Variants in RGPD3 observed in about 807,000 individuals in gnomAD.
RGPD3 encodes the protein ranBP2-like and GRIP domain-containing protein 3.
RGPD3 carries 62 observed loss-of-function variants against 154.5 expected under a neutral mutation model. That is an observed-to-expected ratio of 0.40 (90% CI 0.33 to 0.50). The LOEUF is 0.50. Among genes scored for constraint, RGPD3 ranks in the 20% least tolerant of loss-of-function variants. The probability of loss-of-function intolerance (pLI) is 0.59; values close to 1 mark genes in which losing one functional copy is unlikely to be tolerated. For synonymous variants in RGPD3, 308 were observed against 607.0 expected (o/e 0.51, Z 7.24); for missense variants, 919 against 1,716.8 (o/e 0.54, Z 8.21).
At position 106,415,919 on chromosome 2, in the gene RGPD3, A is replaced by G. The variant is rs577151300; in HGVS notation, c.4995T>C (p.Ser1665=). The G allele has an allele frequency of 3.7e-5, 59 of 1,611,872 alleles. No individual in the cohort carries two copies. In the African/African-American group the frequency reaches 5.5e-4, roughly 15 times the overall value. The part of the protein sequence containing the change: ...LVQKLSSTTK[S]ADHLNGLLRE... ...GAAGCAGGCCGTTTAAGTGATCTGC[A>G]CTTTTTGTGGTGGAACTGAGCTTCT... The change falls in exon 21 of 23, where the codon AGT becomes AGC. Residue 1665 remains serine (S), a synonymous_variant. Coordinates refer to ENST00000409886, the MANE Select transcript of RGPD3 (RefSeq NM_001144013.2).
Position 106,466,181 on chromosome 2 carries a change from C to T in RGPD3, c.72+2036G>A, listed in dbSNP as rs187694513. 5.0e-3 allele frequency among the ~76,000 whole-genome samples: 755 copies of T among 152,146 alleles called. 7 individuals carry two copies. Among genetic ancestry groups the T allele is most frequent in the African/African-American group, 0.017 (685 of 41,482 alleles). ...TCGGGAACAAGCGTCGGGAACAAGC[C>T]GGGAGAAAGAGGAAGCGCCGGCGCC... On this transcript the variant is annotated intron_variant, in intron 1 of 22. Coordinates refer to ENST00000409886, the MANE Select transcript of RGPD3 (RefSeq NM_001144013.2).
At chr2:106,422,944 C>T in intron 20 of RGPD3, 99 bp downstream of exon 20, 8 of 1,599,330 alleles carry the variant, frequency 5.0e-6, no homozygotes, top group East Asian at 2.2e-5. Context: ...CACAAAGCAT[C>T]GTTCATATCC....
chr2:106,420,111 A>C (rs1676933295), intron 20 of RGPD3, among the ~76,000 whole-genome samples: 1 of 149,622 alleles, frequency 6.7e-6, no homozygotes, highest in Non-Finnish European at 1.5e-5. Flanking sequence ...ATTAGTATAC[A>C]TATGAAACTA....
At chr2:106,465,009 G>C (rs1467697482) in intron 1 of RGPD3, among the ~76,000 whole-genome samples, 3 of 151,260 alleles carry the variant, frequency 2.0e-5, no homozygotes, top group Non-Finnish European at 4.4e-5. Context: ...GCACATGTGA[G>C]GGAGTAGAAA....
At chr2:106,412,352 C>A in intron 22 of RGPD3, among the ~76,000 whole-genome samples, 1 of 116,544 alleles carries the variant, frequency 8.6e-6, no homozygotes, top group East Asian at 2.9e-4. Context: ...CTCGCTCTGC[C>A]GTCAGGCTGG....
At chr2:106,418,611 G>C (rs1411763950) in intron 20 of RGPD3, among the ~76,000 whole-genome samples, 2 of 151,602 alleles carry the variant, frequency 1.3e-5, no homozygotes, top group East Asian at 4.0e-4. Context: ...CTGTCACACA[G>C]GTTGGAGTGC....
intron 20 of RGPD3, among the ~76,000 whole-genome samples, chr2:106,421,207 A>G (rs987861832): frequency 6.6e-6 from 1 of 151,994 alleles, no homozygotes; most frequent in Non-Finnish European, 1.5e-5. Context: ...TAAAGTCTTC[A>G]TTTCTAAGGT....
upstream of RGPD3, among the ~76,000 whole-genome samples, chr2:106,469,875 C>A (rs368507721): frequency 2.8e-3 from 419 of 151,986 alleles, 5 homozygotes; most frequent in African/African-American, 9.4e-3. Context: ...ACCTATTTAC[C>A]ACACAGATCC....
At chr2:106,434,199 G>A (rs1435300393) in intron 15 of RGPD3, 29 bp downstream of exon 15, 1 of 1,587,480 alleles carries the variant, frequency 6.3e-7, no homozygotes, top group East Asian at 2.3e-5. Context: ...TTATCAGTAA[G>A]AACGTACATA....
chr2:106,451,108 G>A (rs1450008390), intron 6 of RGPD3, among the ~76,000 whole-genome samples: 247 of 137,816 alleles, frequency 1.8e-3, no homozygotes, highest in African/African-American at 6.5e-3. Flanking sequence ...AAACAAAAAA[G>A]AAAGAAAGAA....
intron 7 of RGPD3, among the ~76,000 whole-genome samples, chr2:106,442,467 A>C (rs1194300233): frequency 7.7e-6 from 1 of 129,508 alleles, no homozygotes; most frequent in Non-Finnish European, 1.6e-5. Context: ...ACAACCAGGA[A>C]ATTAAAGAGA....
chr2:106,405,375 CTTTTTTTTTT>C (rs375961686), intron 22 of RGPD3, 146 bp from the exon 23 acceptor site: 1 of 368,838 alleles, frequency 2.7e-6, no homozygotes, highest in African/African-American at 2.7e-5. Context: ...GGGGGGGGTT[CTTTTTTTTTT>C]TTTTTTTTGA....
In RGPD3 at chr2:106,405,035, G is replaced by A. The variant is rs1676463953; in HGVS notation, c.*184C>T. 1.4e-6 allele frequency: 1 copy of A among 709,450 alleles called. No individual in the cohort carries two copies. Among genetic ancestry groups the A allele is most frequent in the South Asian group, 1.9e-5 (1 of 51,520 alleles). The allele number at this position is 709,450 out of a possible 1,614,324, so 43.9% of individuals were successfully genotyped here. A position where few individuals can be genotyped will look rare whatever the true frequency, so the allele number is the denominator to read the frequency against. On this transcript the variant is annotated 3_prime_UTR_variant, in exon 23 of 23. Coordinates refer to ENST00000409886, the MANE Select transcript of RGPD3 (RefSeq NM_001144013.2). ...ACTTTTAAAATACATCTGTCATATAGATGTACAAATATATGTAAATGCAAA... is the reference window on the plus strand; with the variant it reads ...ACTTTTAAAATACATCTGTCATATAAATGTACAAATATATGTAAATGCAAA...
chr2:106,470,384 C>T (rs1245782067), upstream of RGPD3, among the ~76,000 whole-genome samples: 1 of 152,236 alleles, frequency 6.6e-6, no homozygotes, highest in Non-Finnish European at 1.5e-5. Flanking sequence ...CTACTCAACC[C>T]CAAGGTCCAA....
intron 7 of RGPD3, among the ~76,000 whole-genome samples, chr2:106,444,520 A>G (rs1366852121): frequency 3.5e-5 from 3 of 86,956 alleles, no homozygotes. Context: ...AAACTAACTT[A>G]TTATGATTAA....
At position 106,403,607 on chromosome 2, in the gene RGPD3, A is replaced by G. The variant is rs1676424777; in HGVS notation, c.*1612T>C. Among the ~76,000 whole-genome samples the G allele has an allele frequency of 6.6e-6, 1 of 152,288 alleles. No individual in the cohort carries two copies. The highest frequency in any genetic ancestry group is 2.4e-5 in the African/African-American group (1 of 41,482). On this transcript the variant is annotated 3_prime_UTR_variant, in exon 23 of 23. Coordinates refer to ENST00000409886, the MANE Select transcript of RGPD3 (RefSeq NM_001144013.2). ...GGTCTCAAGTCAAAGAGAAAGTGAA[A>G]TATATTTAAATATGATTAGTTACAT...
chr2:106,469,730 C>A (rs2104535296), upstream of RGPD3, among the ~76,000 whole-genome samples: 1 of 152,322 alleles, frequency 6.6e-6, no homozygotes, highest in South Asian at 2.1e-4. Flanking sequence ...ATTTCCACCT[C>A]TCAAGGCCTC....
intron 1 of RGPD3, among the ~76,000 whole-genome samples, chr2:106,466,885 G>T (rs1678621405): frequency 1.1e-5 from 1 of 92,660 alleles, no homozygotes; most frequent in African/African-American, 3.7e-5. Flanking sequence ...GGCCGCCGCC[G>T]GGCCGGGTCG....
chr2:106,446,886 A>C (rs1410837514), intron 7 of RGPD3, among the ~76,000 whole-genome samples: 33 of 150,266 alleles, frequency 2.2e-4, no homozygotes, highest in African/African-American at 7.1e-4. Context: ...GTCTCAAAAA[A>C]AATAAAAAAA....
Sources: allele counts gnomAD v4.1 joint callset (sites outside exome capture counted in the v4.1 genomes callset), GRCh38; gene constraint gnomAD v4.1.1; transcripts MANE v1.5; gene names NCBI Gene and HGNC (gene_info 2026-07-23, HGNC 2026-07-21).